Variants in CC2D2A observed in about 807,000 individuals in gnomAD.
CC2D2A encodes the protein coiled-coil and C2 domain-containing protein 2A.
CC2D2A carries 155 observed loss-of-function variants against 212.9 expected under a neutral mutation model. The observed-to-expected ratio is 0.73, with a 90% CI of 0.64 to 0.83. The LOEUF (loss-of-function observed/expected upper bound fraction) is 0.83. Ranked by LOEUF, CC2D2A falls within the 40% of genes least tolerant of loss-of-function variation. The probability of loss-of-function intolerance (pLI) is 0.00; values close to 1 mark genes in which losing one functional copy is unlikely to be tolerated. For missense variants in CC2D2A, 1,856 were observed against 1,956.2 expected (o/e 0.95, Z 0.97); for synonymous variants, 667 against 686.5 (o/e 0.97, Z 0.44).
intron 20 of CC2D2A, among the ~76,000 whole-genome samples, chr4:15,555,843 A>C (rs367856686): frequency 4.6e-5 from 7 of 152,186 alleles, no homozygotes; most frequent in African/African-American, 1.7e-4. Flanking sequence ...AAACTCCTAA[A>C]GGTTTTATAT....
At chr4:15,552,476 C>T (rs1392862564) in intron 18 of CC2D2A, among the ~76,000 whole-genome samples, 1 of 152,200 alleles carries the variant, frequency 6.6e-6, no homozygotes, top group African/African-American at 2.4e-5. Flanking sequence ...CTCCACTCTC[C>T]AAAGCACAAA....
chr4:15,510,280 GT>G, intron 7 of CC2D2A, 40 bp downstream of exon 7: 3 of 1,556,252 alleles, frequency 1.9e-6, no homozygotes, highest in Non-Finnish European at 2.7e-6. Context: ...GTTTGTTTGT[GT>G]TTTTTACAAA....
At chr4:15,595,588 G>T (rs769642778) in intron 33 of CC2D2A, among the ~76,000 whole-genome samples, 2 of 152,128 alleles carry the variant, frequency 1.3e-5, no homozygotes, top group Non-Finnish European at 2.9e-5. Context: ...AATCATCCAA[G>T]GTCACACAAA....
chr4:15,522,867 C>A (rs961341586), intron 11 of CC2D2A, among the ~76,000 whole-genome samples: 21 of 151,902 alleles, frequency 1.4e-4, no homozygotes, highest in Non-Finnish European at 2.9e-4. Flanking sequence ...ACCTATAATC[C>A]CAGCACTTTG....
chr4:15,511,947 T>C (rs1165573804), intron 8 of CC2D2A, among the ~76,000 whole-genome samples: 2 of 152,014 alleles, frequency 1.3e-5, no homozygotes, highest in Non-Finnish European at 2.9e-5. Context: ...GACATACAAA[T>C]AGACAATAAG....
intron 28 of CC2D2A, 82 bp from the exon 29 acceptor site, chr4:15,574,068 A>C (rs982939945): frequency 2.1e-5 from 25 of 1,212,226 alleles, no homozygotes; most frequent in Non-Finnish European, 2.7e-5. Flanking sequence ...CAATTTATTA[A>C]ACAATGAGGA....
At chr4:15,483,908 T>G (rs1714845857) in intron 4 of CC2D2A, among the ~76,000 whole-genome samples, 1 of 152,194 alleles carries the variant, frequency 6.6e-6, no homozygotes, top group Non-Finnish European at 1.5e-5. Flanking sequence ...ACCATGGGCG[T>G]TGGCTTAGAC....
chr4:15,598,993 CTA>C (rs1375562114), intron 35 of CC2D2A, among the ~76,000 whole-genome samples: 2 of 151,636 alleles, frequency 1.3e-5, no homozygotes, highest in Admixed American at 1.3e-4. Context: ...GACCTTGTCT[CTA>C]TAAAAAAGAA....
At position 15,567,711 on chromosome 4, in the gene CC2D2A, A is replaced by G. The variant is rs1475440676; in HGVS notation, c.3323A>G (p.Gln1108Arg). ...CGTCCCTTTGTAGAAGTCTCTTTTC[A>G]ACGAACAGTTTGCCATACGACTACG... The part of the protein sequence containing the change: ...LVRPFVEVSF[Q>R]RTVCHTTTAE... The change falls in exon 26 of 37, where the codon CAA becomes CGA. Residue 1108 changes from glutamine (Q) to arginine (R), a missense_variant. This residue lies in a region of CC2D2A where 1,512 missense variants were observed against 1,579.3 expected (regional missense o/e 0.96). Transcript: ENST00000424120. 3.1e-6 allele frequency: 5 copies of G among 1,605,052 alleles called. No homozygotes were observed. The highest frequency in any genetic ancestry group is 3.4e-6 in the Non-Finnish European group (4 of 1,177,792).
intron 4 of CC2D2A, among the ~76,000 whole-genome samples, chr4:15,500,418 T>C (rs1046774109): frequency 6.6e-6 from 1 of 152,104 alleles, no homozygotes; most frequent in East Asian, 1.9e-4. Flanking sequence ...ATATTATCTG[T>C]AAAATGAAAA....
intron 23 of CC2D2A, 29 bp downstream of exon 23, chr4:15,560,651 A>C: frequency 2.1e-6 from 2 of 945,924 alleles, no homozygotes; most frequent in Non-Finnish European, 3.2e-6. Context: ...ATTATTATCA[A>C]TTCTTATAAA....
At chr4:15,545,777 G>C (rs1197049029) in intron 17 of CC2D2A, among the ~76,000 whole-genome samples, 1 of 152,054 alleles carries the variant, frequency 6.6e-6, no homozygotes, top group African/African-American at 2.4e-5. Context: ...AATCCACAGA[G>C]CTTGATGACA....
At chr4:15,568,682 A>C (rs1482959522) in intron 26 of CC2D2A, among the ~76,000 whole-genome samples, 3 of 152,226 alleles carry the variant, frequency 2.0e-5, no homozygotes, top group Admixed American at 6.5e-5. Context: ...GAAAACATAA[A>C]GTCAAATGTT....
At chr4:15,479,564 C>T (rs1714489837) in intron 3 of CC2D2A, among the ~76,000 whole-genome samples, 1 of 152,132 alleles carries the variant, frequency 6.6e-6, no homozygotes, top group Non-Finnish European at 1.5e-5. Flanking sequence ...TCAGCACACT[C>T]CTCGGGGCAA....
intron 32 of CC2D2A, among the ~76,000 whole-genome samples, chr4:15,588,515 G>T (rs1457290457): frequency 1.3e-5 from 2 of 152,280 alleles, no homozygotes; most frequent in Non-Finnish European, 2.9e-5. Context: ...GATGCAAATA[G>T]GTAAGTTTAG....
At chr4:15,505,936 A>C (rs1716230863) in intron 6 of CC2D2A, among the ~76,000 whole-genome samples, 1 of 152,186 alleles carries the variant, frequency 6.6e-6, no homozygotes. Flanking sequence ...GTTTAAAGAG[A>C]GATCAGGGCT....
rs1478652275 is a variant in CC2D2A at position 15,557,522 on chromosome 4, T to C, written c.2829+15T>C. On this transcript the variant is annotated intron_variant, in intron 21 of 36. Transcript: ENST00000424120. ...AGGTATTCCAGGTAAGAAACTGCCATAGAGGGGTTAATAAAATAATAAAGT... is the reference window on the plus strand; with the variant it reads ...AGGTATTCCAGGTAAGAAACTGCCACAGAGGGGTTAATAAAATAATAAAGT... 5 of 1,539,416 alleles carry C rather than the reference T, an allele frequency of 3.2e-6. No homozygotes were observed. Among genetic ancestry groups the C allele is most frequent in the Middle Eastern group, 1.8e-4 (1 of 5,492 alleles).
chr4:15,523,771 T>C (rs1717342615), intron 11 of CC2D2A, among the ~76,000 whole-genome samples: 1 of 152,196 alleles, frequency 6.6e-6, no homozygotes, highest in South Asian at 2.1e-4. Context: ...TGGGCCTCAT[T>C]CTCTGCAATT....
rs545245087 is a variant in CC2D2A at position 15,587,941 on chromosome 4, T to C, written c.4179+12T>C. 1.0e-5 allele frequency: 15 copies of C among 1,478,234 alleles called. 1 individual carries two copies. Among genetic ancestry groups the C allele is most frequent in the South Asian group, 8.0e-5 (7 of 87,462 alleles). The allele number at this position is 1,478,234 out of a possible 1,614,324, so 91.6% of individuals were successfully genotyped here. A position where few individuals can be genotyped will look rare whatever the true frequency, so the allele number is the denominator to read the frequency against. The stretch of plus-strand genomic sequence containing the variant: ...ATGCTATTCCTGAGGTAAGACCACA[T>C]AGGCTGCCTTTAACAGAGGAGTATA... On this transcript the variant is annotated intron_variant, in intron 32 of 36. Coordinates refer to ENST00000424120, the MANE Select transcript of CC2D2A (RefSeq NM_001378615.1).
Sources: gnomAD v4.1 joint callset for allele counts (sites outside exome capture counted in the v4.1 genomes callset) on GRCh38, gnomAD v4.1.1 for gene constraint, gnomAD v4.1.1 regional missense constraint, MANE v1.5 for transcripts, NCBI Gene and HGNC (gene_info 2026-07-23, HGNC 2026-07-21) for gene names.